Variants in TRIM74 observed in about 807,000 individuals in gnomAD.
TRIM74 encodes the protein tripartite motif containing 74.
TRIM74 carries 3 observed loss-of-function variants against 14.5 expected under a neutral mutation model. The ratio of observed to expected loss-of-function variants is 0.21; its 90% CI spans 0.09 to 0.53. TRIM74 has a LOEUF of 0.53. Among genes scored for constraint, TRIM74 ranks in the 20% least tolerant of loss-of-function variants. The probability of loss-of-function intolerance (pLI) is 0.95; values close to 1 mark genes in which losing one functional copy is unlikely to be tolerated. For synonymous variants in TRIM74, 10 were observed against 71.3 expected, an observed-to-expected ratio of 0.14 and a Z score of 4.33; for missense variants, 26 against 174.0, an observed-to-expected ratio of 0.15 and a Z score of 4.79.
At chr7:72,967,161 CACACCTCACG>C (rs1278649605) in intron 1 of TRIM74, among the ~76,000 whole-genome samples, 5 of 152,298 alleles carry the variant, frequency 3.3e-5, no homozygotes, top group African/African-American at 1.2e-4. Context: ...GCACACTGTC[CACACCTCACG>C]ACCCCGACAG....
intron 2 of TRIM74, among the ~76,000 whole-genome samples, chr7:72,963,796 C>G (rs1490361742): frequency 7.9e-6 from 1 of 126,716 alleles, no homozygotes; most frequent in Non-Finnish European, 1.7e-5. Flanking sequence ...AATCTCCCAG[C>G]CTGTTCCCTC....
At chr7:72,966,402 T>C (rs1443775213) in intron 1 of TRIM74, among the ~76,000 whole-genome samples, 1 of 143,994 alleles carries the variant, frequency 6.9e-6, no homozygotes, top group Non-Finnish European at 1.5e-5. Flanking sequence ...TGTGTGTGTG[T>C]GTGTGTGTGT....
chr7:72,966,316 C>A (rs1554507232), intron 1 of TRIM74, 141 bp from the exon 2 acceptor site: 1 of 373,056 alleles, frequency 2.7e-6, no homozygotes, highest in Non-Finnish European at 4.6e-6. Context: ...ACCCACATGA[C>A]CTTGGGCCTC....
At chr7:72,963,756 G>A (rs1165394890) in intron 2 of TRIM74, among the ~76,000 whole-genome samples, 1 of 139,258 alleles carries the variant, frequency 7.2e-6, no homozygotes, top group African/African-American at 2.6e-5. Flanking sequence ...CCCAAGCTGA[G>A]CTGCTGGATC....
downstream of TRIM74, among the ~76,000 whole-genome samples, chr7:72,956,998 T>TA (rs1163435657): frequency 6.6e-5 from 10 of 152,284 alleles, no homozygotes; most frequent in Non-Finnish European, 1.3e-4. Flanking sequence ...TGCACGCCTG[T>TA]AATCCCAGCT....
chr7:72,955,289 G>A (rs1253344869), downstream of TRIM74, among the ~76,000 whole-genome samples: 1 of 126,216 alleles, frequency 7.9e-6, no homozygotes, highest in Non-Finnish European at 1.6e-5. Flanking sequence ...TAGAGACGGG[G>A]TTTCACCATG....
In TRIM74 at chr7:72,960,030, C is replaced by G. The variant is rs782638411; in HGVS notation, c.717G>C (p.Glu239Asp). ...LEQFGNEDHH[E>D]FIWKFHSMAS... ...CTCCCTGTCCACTCACCCAGATGAA[C>G]TCATGGTGGTCCTCATTTCCGAACT... The change falls in exon 4 of 5, where the codon GAG (glutamate) becomes GAC (aspartate). Residue 239 changes from glutamate to aspartate, a missense_variant. Glu to Asp is a conservative substitution (Grantham distance 45, BLOSUM62 2). Coordinates refer to ENST00000285805, the MANE Select transcript of TRIM74 (RefSeq NM_198853.3). 1.9e-6 allele frequency: 3 copies of G among 1,611,420 alleles called. No homozygotes were observed. In the South Asian group the frequency reaches 3.3e-5, roughly 18 times the overall value.
Sources: gnomAD v4.1 joint callset for allele counts (sites outside exome capture counted in the v4.1 genomes callset) on GRCh38, gnomAD v4.1.1 for gene constraint, MANE v1.5 for transcripts, NCBI Gene and HGNC (gene_info 2026-07-23, HGNC 2026-07-21) for gene names.